Variants in HS3ST3A1 observed in about 807,000 individuals in gnomAD.
The protein encoded by HS3ST3A1 is heparan sulfate glucosamine 3-O-sulfotransferase 3A1.
In HS3ST3A1, 19 loss-of-function variants were observed where a neutral mutation model predicts 25.7. The observed-to-expected ratio is 0.74, with a 90% CI of 0.52 to 1.08. The LOEUF is 1.08. Among genes scored for constraint, HS3ST3A1 ranks in the 50% least tolerant of loss-of-function variants. The pLI, the probability that HS3ST3A1 is intolerant of heterozygous loss-of-function variation, is 0.00. For missense variants in HS3ST3A1, 459 were observed against 594.3 expected (o/e 0.77, Z 2.37); for synonymous variants, 226 against 278.6 (o/e 0.81, Z 1.88).
At chr17:13,589,112 G>C (rs2142390752) in intron 1 of HS3ST3A1, among the ~76,000 whole-genome samples, 1 of 152,310 alleles carries the variant, frequency 6.6e-6, no homozygotes, top group East Asian at 1.9e-4. Flanking sequence ...AGTTGAGATT[G>C]ATTCGCTTCA....
chr17:13,551,624 A>AGG, intron 1 of HS3ST3A1, among the ~76,000 whole-genome samples: 2 of 131,002 alleles, frequency 1.5e-5, no homozygotes, highest in Non-Finnish European at 3.3e-5. Flanking sequence ...AGAAAAAAAA[A>AGG]AGGGGGGGGG....
intron 1 of HS3ST3A1, among the ~76,000 whole-genome samples, chr17:13,503,050 T>C (rs1011892037): frequency 1.3e-5 from 2 of 151,426 alleles, no homozygotes; most frequent in African/African-American, 4.8e-5. Flanking sequence ...TGTTGGCGTG[T>C]GCCTGTAGTC....
At chr17:13,544,160 T>G (rs146816257) in intron 1 of HS3ST3A1, among the ~76,000 whole-genome samples, 10 of 152,318 alleles carry the variant, frequency 6.6e-5, no homozygotes, top group African/African-American at 2.4e-4. Context: ...TGAAAATATA[T>G]ACATTTTTTC....
At chr17:13,544,955 C>T (rs186110899) in intron 1 of HS3ST3A1, among the ~76,000 whole-genome samples, 1 of 152,188 alleles carries the variant, frequency 6.6e-6, no homozygotes, top group Non-Finnish European at 1.5e-5. Context: ...CAATTCCCCC[C>T]AGAACATCAA....
chr17:13,591,834 AT>A (rs1908434745), intron 1 of HS3ST3A1, among the ~76,000 whole-genome samples: 1 of 151,732 alleles, frequency 6.6e-6, no homozygotes, highest in Non-Finnish European at 1.5e-5. Flanking sequence ...TAATTTTTGT[AT>A]TTTTAGTAGA....
rs533154459 is a variant in HS3ST3A1, at chr17:13,495,279, C to T, written c.*918G>A. Among the ~76,000 whole-genome samples the T allele has an allele frequency of 5.9e-5, 9 of 152,228 alleles. No individual in the cohort carries two copies. The highest frequency in any genetic ancestry group is 1.3e-4 in the Admixed American group (2 of 15,294). On this transcript the variant is annotated 3_prime_UTR_variant, in exon 2 of 2. Transcript: ENST00000284110. ...ATAATTCCTCTCCAATTCAATCAAG[C>T]ATTCATCAGTCAAGATTTCCATATC...
At chr17:13,596,675 T>C (rs576309793) in intron 1 of HS3ST3A1, among the ~76,000 whole-genome samples, 2 of 152,254 alleles carry the variant, frequency 1.3e-5, no homozygotes, top group Non-Finnish European at 2.9e-5. Flanking sequence ...TTCTTTCCTC[T>C]GCTCTAAGGA....
chr17:13,506,919 A>AT (rs1448061890), intron 1 of HS3ST3A1, among the ~76,000 whole-genome samples: 1 of 151,106 alleles, frequency 6.6e-6, no homozygotes, highest in Non-Finnish European at 1.5e-5. Flanking sequence ...AAAAAAAAAA[A>AT]TTAGCCAGGC....
chr17:13,544,438 C>T (rs1264430018), intron 1 of HS3ST3A1, among the ~76,000 whole-genome samples: 1 of 152,202 alleles, frequency 6.6e-6, no homozygotes, highest in Non-Finnish European at 1.5e-5. Flanking sequence ...GGCAAAACTG[C>T]CTTTTCTGTG....
intron 1 of HS3ST3A1, among the ~76,000 whole-genome samples, chr17:13,525,667 T>C (rs562186925): frequency 1.2e-4 from 18 of 152,258 alleles, no homozygotes; most frequent in Non-Finnish European, 2.1e-4. Flanking sequence ...GGCAGGACAT[T>C]CATTCTGATC....
intron 1 of HS3ST3A1, among the ~76,000 whole-genome samples, chr17:13,549,933 A>G (rs1907196415): frequency 6.6e-6 from 1 of 152,194 alleles, no homozygotes; most frequent in African/African-American, 2.4e-5. Context: ...CACTATCTCC[A>G]AAGTGCTGAC....
chr17:13,582,057 A>G (rs1402794129), intron 1 of HS3ST3A1, among the ~76,000 whole-genome samples: 1 of 152,138 alleles, frequency 6.6e-6, no homozygotes, highest in Admixed American at 6.5e-5. Flanking sequence ...ACAAAAAAAG[A>G]CTTTCCTGGC....
At chr17:13,586,501 T>C (rs1336279361) in intron 1 of HS3ST3A1, among the ~76,000 whole-genome samples, 1 of 152,072 alleles carries the variant, frequency 6.6e-6, no homozygotes, top group Non-Finnish European at 1.5e-5. Flanking sequence ...GAATAGCCAT[T>C]GGCTTCATGA....
At chr17:13,592,554 A>C (rs1908455968) in intron 1 of HS3ST3A1, among the ~76,000 whole-genome samples, 3 of 152,242 alleles carry the variant, frequency 2.0e-5, no homozygotes, top group Non-Finnish European at 4.4e-5. Flanking sequence ...AATTATTTTT[A>C]ACTACATAAG....
At chr17:13,588,841 G>T (rs555068403) in intron 1 of HS3ST3A1, among the ~76,000 whole-genome samples, 2 of 151,956 alleles carry the variant, frequency 1.3e-5, no homozygotes, top group South Asian at 2.1e-4. Flanking sequence ...CCACCACCAC[G>T]CCCAGCTAAT....
intron 1 of HS3ST3A1, among the ~76,000 whole-genome samples, chr17:13,588,828 C>A (rs1043634379): frequency 1.3e-5 from 2 of 152,096 alleles, no homozygotes; most frequent in South Asian, 2.1e-4. Flanking sequence ...GGACTACAGG[C>A]GCCCACCACC....
intron 1 of HS3ST3A1, among the ~76,000 whole-genome samples, chr17:13,592,931 G>A (rs1209633225): frequency 6.6e-6 from 1 of 152,118 alleles, no homozygotes; most frequent in African/African-American, 2.4e-5. Flanking sequence ...TGCATAGTTA[G>A]AAGGTGCAAA....
Position 13,590,338 on chromosome 17 carries a change from A to AAAC in HS3ST3A1, c.599+10192_599+10193insGTT, listed in dbSNP as rs1555543222. 2.0e-5 allele frequency among the ~76,000 whole-genome samples: 3 copies of AAAC among 152,114 alleles called. No homozygotes were observed. In the South Asian group the frequency reaches 6.2e-4, roughly 32 times the overall value. On this transcript the variant is annotated intron_variant, in intron 1 of 1. Coordinates refer to ENST00000284110, the MANE Select transcript of HS3ST3A1 (RefSeq NM_006042.3). ...AGCTCTGTGAGGTTAAAAAAAAAAA[A>AAAC]AAAAACTATGCTACGACTGGTTCCA...
intron 1 of HS3ST3A1, among the ~76,000 whole-genome samples, chr17:13,586,597 G>C (rs1367418517): frequency 6.6e-6 from 1 of 151,888 alleles, no homozygotes; most frequent in African/African-American, 2.4e-5. Context: ...GCCGGGCGCG[G>C]TGGCTCACGC....
Sources: gnomAD v4.1 joint callset for allele counts (sites outside exome capture counted in the v4.1 genomes callset) on GRCh38, gnomAD v4.1.1 for gene constraint, MANE v1.5 for transcripts, NCBI Gene and HGNC (gene_info 2026-07-23, HGNC 2026-07-21) for gene names.